The following CXCL13 variants were observed in gnomAD, a reference collection of about 807,000 sequenced individuals.
CXCL13 encodes C-X-C motif chemokine 13.
In CXCL13, 7 loss-of-function variants were observed where a neutral mutation model predicts 12.2. The ratio of observed to expected loss-of-function variants is 0.57; its 90% confidence interval spans 0.33 to 1.07. The LOEUF (loss-of-function observed/expected upper bound fraction) is 1.07. Ranked by LOEUF, CXCL13 falls within the 50% of genes least tolerant of loss-of-function variation. The pLI is 0.04. For synonymous variants in CXCL13, 47 were observed against 42.4 expected (o/e 1.11, Z -0.42); for missense variants, 113 against 127.4 (o/e 0.89, Z 0.55).
intron 1 of CXCL13, among the ~76,000 whole-genome samples, chr4:77,535,418 G>A (rs1441266362): frequency 6.6e-6 from 1 of 152,140 alleles, no homozygotes; most frequent in Non-Finnish European, 1.5e-5. Context: ...GCGACCCATT[G>A]TATTTTCCAA....
At chr4:77,543,491 A>G (rs1725256815) in intron 1 of CXCL13, among the ~76,000 whole-genome samples, 3 of 152,098 alleles carry the variant, frequency 2.0e-5, no homozygotes, top group African/African-American at 7.2e-5. Context: ...ATAGGCATTT[A>G]GCACTATTAA....
intron 1 of CXCL13, among the ~76,000 whole-genome samples, chr4:77,513,195 G>T (rs1724315235): frequency 6.6e-6 from 1 of 152,054 alleles, no homozygotes; most frequent in Admixed American, 6.5e-5. Context: ...TATCACTGAT[G>T]GACATTTGGG....
Position 77,570,992 on chromosome 4 carries a change from C to T in CXCL13, c.-42-34832C>T, listed in dbSNP as rs547259111. On this transcript the variant is annotated intron_variant, in intron 1 of 4. Transcript: ENST00000286758. ...CAGCCCGAGACTCCCTGACGAATGC[C>T]GCTCCCTGCTCCACGGTGCCCAGTC... Among the ~76,000 whole-genome samples the T allele has an allele frequency of 6.6e-4, 101 of 152,116 alleles. 1 individual carries two copies. The highest frequency in any genetic ancestry group is 1.2e-3 in the Non-Finnish European group (83 of 68,028).
At chr4:77,556,985 C>G (rs537347331) in intron 1 of CXCL13, among the ~76,000 whole-genome samples, 38 of 152,098 alleles carry the variant, frequency 2.5e-4, no homozygotes, top group Non-Finnish European at 3.4e-4. Flanking sequence ...CCACTGCCCT[C>G]CAGCCTGGGC....
intron 1 of CXCL13, among the ~76,000 whole-genome samples, chr4:77,539,844 C>T (rs1014136747): frequency 5.3e-5 from 8 of 152,056 alleles, no homozygotes; most frequent in Non-Finnish European, 5.9e-5. Flanking sequence ...GCCTGACATT[C>T]CTGGTGTGTG....
intron 1 of CXCL13, among the ~76,000 whole-genome samples, chr4:77,524,650 G>A (rs1430148171): frequency 6.6e-6 from 1 of 151,626 alleles, no homozygotes; most frequent in Non-Finnish European, 1.5e-5. Flanking sequence ...CTAGGAAAGG[G>A]AAATCCCCTG....
At chr4:77,574,308 G>A (rs1726157958) in intron 1 of CXCL13, among the ~76,000 whole-genome samples, 1 of 151,844 alleles carries the variant, frequency 6.6e-6, no homozygotes, top group African/African-American at 2.4e-5. Flanking sequence ...CAGAGAAGGT[G>A]CCACAGACCC....
At chr4:77,605,240 A>G (rs1346721152), upstream of CXCL13, among the ~76,000 whole-genome samples, 1 of 152,194 alleles carries the variant, frequency 6.6e-6, no homozygotes, top group Admixed American at 6.5e-5. Flanking sequence ...GAATTCCATG[A>G]TGGTCAGATT....
chr4:77,607,964 T>G (rs896678146), intron 2 of CXCL13, 129 bp downstream of exon 2: 7 of 946,208 alleles, frequency 7.4e-6, no homozygotes, highest in African/African-American at 3.3e-5. Context: ...ATTCTCAAAC[T>G]AATAATGAAA....
chr4:77,543,160 A>T (rs370165793), intron 1 of CXCL13, among the ~76,000 whole-genome samples: 3 of 152,064 alleles, frequency 2.0e-5, no homozygotes, highest in African/African-American at 7.3e-5. Flanking sequence ...AGAGGTGTTC[A>T]TAATAGTCTC....
At chr4:77,537,625 T>C (rs1725090871) in intron 1 of CXCL13, among the ~76,000 whole-genome samples, 1 of 152,216 alleles carries the variant, frequency 6.6e-6, no homozygotes, top group Non-Finnish European at 1.5e-5. Context: ...TAAAATGTTT[T>C]CTATTACAGA....
At chr4:77,527,995 G>C (rs1336944391) in intron 1 of CXCL13, among the ~76,000 whole-genome samples, 1 of 151,630 alleles carries the variant, frequency 6.6e-6, no homozygotes, top group African/African-American at 2.4e-5. Context: ...TGTTCTCATT[G>C]TTCAATTCCC....
intron 1 of CXCL13, among the ~76,000 whole-genome samples, chr4:77,520,728 C>T (rs187261262): frequency 6.6e-6 from 1 of 152,286 alleles, no homozygotes; most frequent in East Asian, 1.9e-4. Context: ...GCCTGATTGT[C>T]CTGGCCAGAA....
At chr4:77,514,267 T>A (rs1199831154) in intron 1 of CXCL13, among the ~76,000 whole-genome samples, 2 of 151,628 alleles carry the variant, frequency 1.3e-5, no homozygotes, top group Admixed American at 1.3e-4. Flanking sequence ...AATAAACATA[T>A]GTGTGCATGT....
Position 77,610,714 on chromosome 4 carries a change from G to C in CXCL13, c.278+20G>C. ...GAGAAAGTAAGTTAGGCATAACAAG[G>C]GGTTTCAGATTCCAACTTGTACTGA... On this transcript the variant is annotated intron_variant, in intron 3 of 3. Transcript: ENST00000682537. 1 of 1,576,722 alleles carries C rather than the reference G, an allele frequency of 6.3e-7. No individual in the cohort carries two copies. Among genetic ancestry groups the C allele is most frequent in the Non-Finnish European group, 8.7e-7 (1 of 1,146,030 alleles).
intron 1 of CXCL13, among the ~76,000 whole-genome samples, chr4:77,564,285 G>C (rs771355961): frequency 2.2e-4 from 34 of 152,198 alleles, no homozygotes; most frequent in Non-Finnish European, 4.6e-4. Context: ...TGCAGAGAGA[G>C]TGGGAGGAAA....
In CXCL13 at chr4:77,586,346, G is replaced by A. The variant is rs571095811; in HGVS notation, c.-42-19478G>A. Among the ~76,000 whole-genome samples the A allele has an allele frequency of 3.9e-5, 6 of 152,172 alleles. No individual in the cohort carries two copies. The South Asian group carries it at 8.3e-4, about 21-fold the overall frequency. ...GAGTAACAAGATAATTGAATTTGGT[G>A]AGAGAGTGCTGTTCTTAAAATCGGT... On this transcript the variant is annotated intron_variant, in intron 1 of 4. Transcript: ENST00000286758.
intron 1 of CXCL13, among the ~76,000 whole-genome samples, chr4:77,600,393 A>G (rs1726860528): frequency 6.6e-6 from 1 of 152,312 alleles, no homozygotes; most frequent in African/African-American, 2.4e-5. Flanking sequence ...GTGATATGCC[A>G]AAAACTTTCA....
intron 1 of CXCL13, among the ~76,000 whole-genome samples, chr4:77,562,155 C>A (rs1725830246): frequency 6.7e-6 from 1 of 149,768 alleles, no homozygotes; most frequent in Non-Finnish European, 1.5e-5. Context: ...CTTCCCACCC[C>A]CTGCCCACCG....
Sources: gnomAD v4.1 joint callset for allele counts (sites outside exome capture counted in the v4.1 genomes callset) on GRCh38, gnomAD v4.1.1 for gene constraint, MANE v1.5 for transcripts, NCBI Gene and HGNC (gene_info 2026-07-23, HGNC 2026-07-21) for gene names.